The following RIN2 variants were observed in gnomAD, a reference collection of about 807,000 sequenced individuals.
The protein encoded by RIN2 is Ras and Rab interactor 2, also known as RAB5 interacting protein 2.
A neutral mutation model predicts 78.0 loss-of-function variants in RIN2; 36 were observed. The ratio of observed to expected loss-of-function variants is 0.46; its 90% CI spans 0.35 to 0.61. The LOEUF (loss-of-function observed/expected upper bound fraction) is 0.61. Among genes scored for constraint, RIN2 ranks in the 20% least tolerant of loss-of-function variants. The pLI is 0.00. For synonymous variants in RIN2, 466 were observed against 466.8 expected, an observed-to-expected ratio of 1.00 and a Z score of 0.02; for missense variants, 1,087 against 1,159.7, an observed-to-expected ratio of 0.94 and a Z score of 0.91.
rs1450170530 is a variant in RIN2, at chr20:19,975,612, C to T, written c.1587C>T (p.Phe529=). 5 of 1,613,944 alleles carry T rather than the reference C, an allele frequency of 3.1e-6. No homozygotes were observed. In the East Asian group the frequency reaches 6.7e-5, roughly 22 times the overall value. Residue 529 remains phenylalanine, a synonymous_variant, in exon 9 of 13, where the codon TTC becomes TTT. Transcript: ENST00000255006. The surrounding 1 kb of genome is among the most constrained non-coding windows in gnomAD (Gnocchi z 4.9). ...AELSRDKCTY[F]GCLVQDYVSF... is the part of the protein sequence containing the mutation. Reference sequence around the variant, plus strand: ...TTTCCCGGGACAAATGCACCTACTTCGGGTGCTTAGTGCAGGACTACGTGA... The same window carrying T: ...TTTCCCGGGACAAATGCACCTACTTTGGGTGCTTAGTGCAGGACTACGTGA...
Position 19,854,050 on chromosome 20 carries a change from T to A in RIN2, c.-36-35516T>A, listed in dbSNP as rs911054340. ...AGTCTTTAATCCATCTTGAATTAAT[T>A]TTTGTATAAGGTGTAAGGAAGGGAT... On this transcript the variant is annotated intron_variant, in intron 2 of 12. Transcript: ENST00000255006. Among the ~76,000 whole-genome samples the A allele has an allele frequency of 3.0e-4, 45 of 152,318 alleles. No homozygotes were observed. In the East Asian group the frequency reaches 6.9e-3, roughly 23 times the overall value.
rs2035268559 is a variant in RIN2, at chr20:19,802,417, T to C, written c.-37+2670T>C. Among the ~76,000 whole-genome samples, 3 of 151,634 alleles carry C rather than the reference T, an allele frequency of 2.0e-5. No individual in the cohort carries two copies. The South Asian group carries it at 6.3e-4, about 32-fold the overall frequency. ...TGGGAGGCCAAGGCAGGAGGATTGCTTGAGGACAGGAGTTCAAGATCAGCT... is the reference window on the plus strand; with the variant it reads ...TGGGAGGCCAAGGCAGGAGGATTGCCTGAGGACAGGAGTTCAAGATCAGCT... On this transcript the variant is annotated intron_variant, in intron 2 of 12. Coordinates refer to ENST00000255006, the MANE Select transcript of RIN2 (RefSeq NM_018993.4).
chr20:19,992,337 T>A, intron 11 of RIN2, 38 bp downstream of exon 11: 1 of 1,515,224 alleles, frequency 6.6e-7, no homozygotes, highest in Non-Finnish European at 8.9e-7. Context: ...AACTGGGTGC[T>A]ATTTTTTTCA....
At chr20:19,859,986 G>T (rs2037284359) in intron 2 of RIN2, among the ~76,000 whole-genome samples, 1 of 152,196 alleles carries the variant, frequency 6.6e-6, no homozygotes, top group Admixed American at 6.5e-5. Flanking sequence ...CACCCCTGTG[G>T]ACAACTGGAA....
intron 2 of RIN2, among the ~76,000 whole-genome samples, chr20:19,882,790 T>C (rs2038064393): frequency 6.6e-6 from 1 of 152,062 alleles, no homozygotes; most frequent in Non-Finnish European, 1.5e-5. Context: ...TATACACGGG[T>C]TTTTTTCAAT....
rs766640360 is a variant in RIN2 at position 19,960,817 on chromosome 20, T to C, written c.463+6T>C. On this transcript the variant is annotated splice_donor_region_variant and intron_variant, in intron 6 of 12. Coordinates refer to ENST00000255006, the MANE Select transcript of RIN2 (RefSeq NM_018993.4). ...CATAAAGGAAAGCACATACAGTAAG[T>C]GGTCATTGGATGCTCAGGTCCTGAC... 19 of 1,555,474 alleles carry C rather than the reference T, an allele frequency of 1.2e-5. No individual in the cohort carries two copies. Among genetic ancestry groups the C allele is most frequent in the Non-Finnish European group, 1.6e-5 (18 of 1,139,068 alleles).
At chr20:19,910,330 GC>G (rs1260608965) in intron 3 of RIN2, among the ~76,000 whole-genome samples, 3 of 151,610 alleles carry the variant, frequency 2.0e-5, no homozygotes, top group South Asian at 2.1e-4. Context: ...GCGCCACCAT[GC>G]CCAGCTAATT....
chr20:19,782,086 A>G (rs972862553), intron 1 of RIN2, among the ~76,000 whole-genome samples: 3 of 152,182 alleles, frequency 2.0e-5, no homozygotes, highest in Non-Finnish European at 4.4e-5. Context: ...GCACATGACC[A>G]GGGTCCACAG....
intron 9 of RIN2, among the ~76,000 whole-genome samples, chr20:19,981,649 G>T (rs1304735126): frequency 6.6e-6 from 1 of 152,150 alleles, no homozygotes; most frequent in Non-Finnish European, 1.5e-5. Context: ...CCATACTTTT[G>T]CAGACTAGCT....
At position 19,935,148 on chromosome 20, in the gene RIN2, T is replaced by G. The variant is rs542886482; in HGVS notation, c.107T>G (p.Val36Gly). Residue 36 changes from valine to glycine, a missense_variant, in exon 4 of 13, where the codon GTG becomes GGG. Physicochemically the swap from Val to Gly is moderately radical, Grantham distance 109. Transcript: ENST00000255006. ...SEIGELKQEM[V>G]RTDVNLENGL... The stretch of plus-strand genomic sequence containing the variant: ...ATCGGAGAACTGAAACAGGAGATGG[T>G]GCGGACAGATGTCAACCTGGAAAAT... The G allele has an allele frequency of 6.2e-7, 1 of 1,604,560 alleles. No individual in the cohort carries two copies. Among genetic ancestry groups the G allele is most frequent in the Non-Finnish European group, 8.5e-7 (1 of 1,175,532 alleles).
chr20:19,939,864 T>C (rs981678819), intron 4 of RIN2, among the ~76,000 whole-genome samples: 3 of 141,614 alleles, frequency 2.1e-5, no homozygotes, highest in Admixed American at 2.1e-4. Flanking sequence ...TTTTTTTTTT[T>C]CTTGGAAACA....
chr20:19,885,729 A>G (rs2038162789), intron 2 of RIN2, among the ~76,000 whole-genome samples: 1 of 152,046 alleles, frequency 6.6e-6, no homozygotes, highest in South Asian at 2.1e-4. Context: ...TTTCGAAGAC[A>G]GGAGATTGTA....
At chr20:20,000,132 C>G (rs2043097383) in intron 12 of RIN2, among the ~76,000 whole-genome samples, 1 of 152,132 alleles carries the variant, frequency 6.6e-6, no homozygotes, top group Admixed American at 6.5e-5. Context: ...CGGTATGAGT[C>G]CAGCCTGGAG....
intron 1 of RIN2, among the ~76,000 whole-genome samples, chr20:19,792,939 C>CTGTGTGTG (rs36049213): frequency 0.053 from 7,753 of 147,188 alleles, 197 homozygotes; most frequent in South Asian, 0.089. Context: ...TAAGCAGCCA[C>CTGTGTGTG]TGTGTGTGTG....
chr20:19,803,854 G>A (rs2035322725), intron 2 of RIN2, among the ~76,000 whole-genome samples: 1 of 152,180 alleles, frequency 6.6e-6, no homozygotes, highest in South Asian at 2.1e-4. Flanking sequence ...CCATTTGTTT[G>A]AGTCATCTCT....
Position 20,001,047 on chromosome 20 carries a change from G to A in RIN2, c.*111G>A, listed in dbSNP as rs1437548284. 3 of 1,030,562 alleles carry A rather than the reference G, an allele frequency of 2.9e-6. No homozygotes were observed. Among genetic ancestry groups the A allele is most frequent in the Non-Finnish European group, 4.1e-6 (3 of 723,190 alleles). 63.8% of individuals were successfully genotyped at this position (1,030,562 alleles called of 1,614,324 possible). A position where few individuals can be genotyped will look rare whatever the true frequency, so the allele number is the denominator to read the frequency against. Reference sequence around the variant, plus strand: ...CAGTCACCTCCTCGGGGACCCCTCAGTGTAGTGACTAAGCCATCCACAGGC... The same window carrying A: ...CAGTCACCTCCTCGGGGACCCCTCAATGTAGTGACTAAGCCATCCACAGGC... On this transcript the variant is annotated 3_prime_UTR_variant, in exon 13 of 13. Coordinates refer to ENST00000255006, the MANE Select transcript of RIN2 (RefSeq NM_018993.4).
intron 1 of RIN2, among the ~76,000 whole-genome samples, chr20:19,772,481 C>T (rs954965909): frequency 6.6e-6 from 1 of 152,120 alleles, no homozygotes; most frequent in South Asian, 2.1e-4. Flanking sequence ...AAGGATGGGG[C>T]CCTTCTGAAT....
At position 19,857,467 on chromosome 20, in the gene RIN2, C is replaced by T. The variant is rs566545598; in HGVS notation, c.-36-32099C>T. On this transcript the variant is annotated intron_variant, in intron 2 of 12. Transcript: ENST00000255006. ...TTCTGTACGTGTATCTTTTTGTAGA[C>T]ACATACATCCATTTATTTTGGATGT... Among the ~76,000 whole-genome samples the T allele has an allele frequency of 1.3e-4, 20 of 152,206 alleles. No individual in the cohort carries two copies. The East Asian group carries it at 3.9e-3, about 29-fold the overall frequency.
intron 3 of RIN2, among the ~76,000 whole-genome samples, chr20:19,891,528 G>T (rs75119636): frequency 0.023 from 3,518 of 152,194 alleles, 117 homozygotes; most frequent in African/African-American, 0.081. Flanking sequence ...GGCAAAAGAA[G>T]AAAATGGAGG....
Sources: gnomAD v4.1 joint callset for allele counts (sites outside exome capture counted in the v4.1 genomes callset) on GRCh38, gnomAD v4.1.1 for gene constraint, Gnocchi (gnomAD v3.1) non-coding constraint, MANE v1.5 for transcripts, NCBI Gene and HGNC (gene_info 2026-07-23, HGNC 2026-07-21) for gene names.